SBF2: variants seen among roughly 807,000 people sequenced by gnomAD.
SBF2 encodes the protein myotubularin-related protein 13.
In SBF2, 112 loss-of-function variants were observed where a neutral mutation model predicts 225.2. That is an observed-to-expected ratio of 0.50 (90% CI 0.43 to 0.58). The LOEUF (loss-of-function observed/expected upper bound fraction) is 0.58, where lower values mean the gene tolerates loss of function less well. Ranked by LOEUF, SBF2 falls within the 20% of genes least tolerant of loss-of-function variation. The pLI is 0.00. For missense variants in SBF2, 1,996 were observed against 2,206.2 expected (o/e 0.90, Z 1.91); for synonymous variants, 763 against 773.3 (o/e 0.99, Z 0.22).
At chr11:9,882,828 A>G (rs1382531336) in intron 17 of SBF2, among the ~76,000 whole-genome samples, 2 of 149,766 alleles carry the variant, frequency 1.3e-5, no homozygotes, top group Non-Finnish European at 3.0e-5. Flanking sequence ...AAACCACCAA[A>G]AAAAACCCAT....
At chr11:10,196,960 G>A (rs1957399452) in intron 1 of SBF2, among the ~76,000 whole-genome samples, 1 of 147,872 alleles carries the variant, frequency 6.8e-6, no homozygotes, top group Non-Finnish European at 1.5e-5. Flanking sequence ...AAATGTTGTT[G>A]AACATACATT....
At chr11:10,074,899 C>G (rs2134829229) in intron 2 of SBF2, among the ~76,000 whole-genome samples, 1 of 152,292 alleles carries the variant, frequency 6.6e-6, no homozygotes, top group East Asian at 1.9e-4. Flanking sequence ...ATTTTACCCT[C>G]TGTATGTCTG....
intron 1 of SBF2, among the ~76,000 whole-genome samples, chr11:10,230,095 G>T (rs1958765546): frequency 1.3e-5 from 2 of 152,036 alleles, no homozygotes. Context: ...TTTGATCTTT[G>T]TTGGTTTAAA....
intron 2 of SBF2, among the ~76,000 whole-genome samples, chr11:10,125,261 C>T (rs1953695926): frequency 6.6e-6 from 1 of 151,882 alleles, no homozygotes; most frequent in Non-Finnish European, 1.5e-5. Flanking sequence ...TAGCATATTA[C>T]TCTCTCAACA....
At chr11:10,167,922 G>T (rs1375524061) in intron 2 of SBF2, among the ~76,000 whole-genome samples, 2 of 152,226 alleles carry the variant, frequency 1.3e-5, no homozygotes, top group Non-Finnish European at 2.9e-5. Context: ...GGAGGCTGAG[G>T]CAGGAGAATC....
At chr11:9,826,102 A>T (rs1418615895) in intron 28 of SBF2, among the ~76,000 whole-genome samples, 5 of 152,240 alleles carry the variant, frequency 3.3e-5, no homozygotes, top group Non-Finnish European at 7.3e-5. Context: ...ATACCAGTCC[A>T]CACCCCAAAA....
chr11:10,289,655 C>A (rs1234499917), intron 1 of SBF2, among the ~76,000 whole-genome samples: 1 of 152,110 alleles, frequency 6.6e-6, no homozygotes, highest in Admixed American at 6.5e-5. Flanking sequence ...AGGGATGCGG[C>A]CCTAGGCGGC....
At chr11:9,928,763 C>T in intron 16 of SBF2, 1 of 184,280 alleles carries the variant, frequency 5.4e-6, no homozygotes, top group Non-Finnish European at 1.1e-5. Flanking sequence ...TTGGAATCTG[C>T]CGTTTGATAC....
At chr11:9,984,810 A>G (rs1188430549) in intron 13 of SBF2, among the ~76,000 whole-genome samples, 4 of 152,194 alleles carry the variant, frequency 2.6e-5, no homozygotes, top group Non-Finnish European at 4.4e-5. Context: ...TCAGCCAAGA[A>G]TTTTGTATCC....
At chr11:10,219,495 T>C (rs1958261096) in intron 1 of SBF2, among the ~76,000 whole-genome samples, 1 of 152,160 alleles carries the variant, frequency 6.6e-6, no homozygotes, top group Non-Finnish European at 1.5e-5. Flanking sequence ...GGAGACATTT[T>C]CCCCATTGTC....
chr11:9,997,051 G>C (rs1360282855), intron 9 of SBF2, among the ~76,000 whole-genome samples: 1 of 152,190 alleles, frequency 6.6e-6, no homozygotes, highest in Non-Finnish European at 1.5e-5. Flanking sequence ...GGAAAAGTCA[G>C]TCTTCTCTAA....
At chr11:10,187,623 A>C (rs1956985704) in intron 2 of SBF2, among the ~76,000 whole-genome samples, 2 of 148,512 alleles carry the variant, frequency 1.3e-5, no homozygotes, top group Middle Eastern at 3.6e-3. Flanking sequence ...ATCAGACATC[A>C]CTCTTGTTAA....
intron 16 of SBF2, among the ~76,000 whole-genome samples, chr11:9,910,659 G>A (rs936812417): frequency 6.6e-6 from 1 of 151,104 alleles, no homozygotes; most frequent in African/African-American, 2.4e-5. Context: ...CTAGGCTAAT[G>A]TGTGGATTTG....
At chr11:10,300,035 C>A (rs935293000) in intron 1 of SBF2, among the ~76,000 whole-genome samples, 2 of 152,152 alleles carry the variant, frequency 1.3e-5, no homozygotes, top group African/African-American at 4.8e-5. Flanking sequence ...AAACAGGACT[C>A]CTTTCATTTT....
chr11:9,924,587 C>T (rs1206919767), intron 16 of SBF2, among the ~76,000 whole-genome samples: 3 of 151,828 alleles, frequency 2.0e-5, no homozygotes, highest in Non-Finnish European at 4.4e-5. Flanking sequence ...ATGCACCACC[C>T]CGCCCCGCTA....
chr11:9,876,519 G>GCT, intron 17 of SBF2, among the ~76,000 whole-genome samples: 1 of 152,114 alleles, frequency 6.6e-6, no homozygotes, highest in East Asian at 1.9e-4. Flanking sequence ...TCTTGCTCTT[G>GCT]CTCTCTCTCT....
chr11:10,128,323 T>C (rs1953860040), intron 2 of SBF2, among the ~76,000 whole-genome samples: 1 of 152,228 alleles, frequency 6.6e-6, no homozygotes, highest in Non-Finnish European at 1.5e-5. Context: ...AGAAGTATAC[T>C]GCGCACAAAT....
In SBF2 at chr11:9,858,230, T is replaced by C. The variant is rs777454581; in HGVS notation, c.2096A>G (p.Gln699Arg). The change falls in exon 18 of 40, where the codon CAA becomes CGA. Residue 699 changes from glutamine to arginine, a missense_variant. By Grantham distance (43) the Gln-to-Arg change is conservative. Coordinates refer to ENST00000256190, the MANE Select transcript of SBF2 (RefSeq NM_030962.4). ...KEDNHAPHLK[Q>R]KDKLPDDHYQ... ...AGTTCTTTTCTTCTCTCTTACCTTT[T>C]GCTTCAGATGCGGGGCATGATTGTC... 3.7e-6 allele frequency: 6 copies of C among 1,614,172 alleles called. No individual in the cohort carries two copies. The Admixed American group carries it at 1.0e-4, about 27-fold the overall frequency.
intron 34 of SBF2, among the ~76,000 whole-genome samples, chr11:9,789,809 C>T (rs1410595488): frequency 1.3e-5 from 2 of 152,244 alleles, no homozygotes; most frequent in African/African-American, 2.4e-5. Context: ...GGTCCATGCA[C>T]TGACTTAGGA....
Sources: allele counts gnomAD v4.1 joint callset (sites outside exome capture counted in the v4.1 genomes callset), GRCh38; gene constraint gnomAD v4.1.1; transcripts MANE v1.5; gene names NCBI Gene and HGNC (gene_info 2026-07-23, HGNC 2026-07-21).